Variants in PCDHA1 observed in about 807,000 individuals in gnomAD.
PCDHA1 encodes protocadherin alpha 1, also known as protocadherin alpha-1.
PCDHA1 carries 42 observed loss-of-function variants against 61.3 expected under a neutral mutation model. The ratio of observed to expected loss-of-function variants is 0.69; its 90% CI spans 0.54 to 0.89. PCDHA1 has a LOEUF of 0.89. Among genes scored for constraint, PCDHA1 ranks in the 40% least tolerant of loss-of-function variants. PCDHA1 has a pLI of 0.00. For missense variants in PCDHA1, 1,256 were observed against 1,235.3 expected (o/e 1.02, Z -0.25); for synonymous variants, 610 against 553.8 (o/e 1.10, Z -1.43).
At chr5:140,962,665 C>T (rs1457197885) in intron 1 of PCDHA1, among the ~76,000 whole-genome samples, 1 of 152,146 alleles carries the variant, frequency 6.6e-6, no homozygotes, top group African/African-American at 2.4e-5. Flanking sequence ...TTTTCATCTT[C>T]CCATCCACTG....
intron 1 of PCDHA1, chr5:140,967,902 C>T: frequency 6.2e-7 from 1 of 1,614,192 alleles, no homozygotes; most frequent in East Asian, 2.2e-5. Flanking sequence ...GAGAATGCTA[C>T]ACCCAACACC....
At chr5:140,797,194 G>A (rs1396970768) in intron 1 of PCDHA1, 6 of 1,614,056 alleles carry the variant, frequency 3.7e-6, no homozygotes, top group Non-Finnish European at 5.1e-6. Context: ...GTGCTCCAGC[G>A]CCGTGGGGAG....
At chr5:140,967,022 A>G (rs2096084806) in intron 1 of PCDHA1, 1 of 1,608,014 alleles carries the variant, frequency 6.2e-7, no homozygotes, top group Middle Eastern at 1.7e-4. Context: ...GGGTGCGCCC[A>G]GTCCGCGCTA....
rs2150161509 is a variant in PCDHA1, at chr5:140,828,980, C to T, written c.2394+40296C>T. On this transcript the variant is annotated intron_variant, in intron 1 of 3. Transcript: ENST00000504120. ...GGTTATTGACCACTTTAGCATAGAT[C>T]GAAATACGGGAGAAATAGTGATTCG... 18 of 1,613,888 alleles carry T rather than the reference C, an allele frequency of 1.1e-5. No homozygotes were observed. In the African/African-American group the frequency reaches 1.7e-4, roughly 16 times the overall value.
At chr5:140,880,281 C>T (rs2058294062) in intron 1 of PCDHA1, among the ~76,000 whole-genome samples, 2 of 152,074 alleles carry the variant, frequency 1.3e-5, no homozygotes. Flanking sequence ...AGAAGTTTGA[C>T]TATCTTCATA....
At chr5:140,869,149 C>A in intron 1 of PCDHA1, 3 of 1,613,754 alleles carry the variant, frequency 1.9e-6, no homozygotes, top group Non-Finnish European at 2.5e-6. Flanking sequence ...ACGACTACAG[C>A]TCTGGCTTCT....
intron 3 of PCDHA1, among the ~76,000 whole-genome samples, chr5:140,985,428 T>C (rs782337868): frequency 2.0e-5 from 3 of 152,192 alleles, no homozygotes; most frequent in Non-Finnish European, 4.4e-5. Context: ...GGAGGATTTA[T>C]TAGTTGCTGC....
chr5:140,875,210 AAAAGAACCTC>A (rs2055354064), intron 1 of PCDHA1: 1 of 696,510 alleles, frequency 1.4e-6, no homozygotes, highest in Non-Finnish European at 2.1e-6. Context: ...GGCTAAACCG[AAAAGAACCTC>A]AGGATCTTTC....
At chr5:140,943,650 C>A (rs2093540673) in intron 1 of PCDHA1, among the ~76,000 whole-genome samples, 1 of 151,974 alleles carries the variant, frequency 6.6e-6, no homozygotes, top group African/African-American at 2.4e-5. Flanking sequence ...ATAAAACCAT[C>A]TATGAACAAT....
chr5:140,888,712 A>G (rs567823119), intron 1 of PCDHA1, among the ~76,000 whole-genome samples: 34 of 152,168 alleles, frequency 2.2e-4, no homozygotes, highest in Non-Finnish European at 4.1e-4. Flanking sequence ...GGAATGTGAA[A>G]TATTTCCAGC....
intron 1 of PCDHA1, among the ~76,000 whole-genome samples, chr5:140,950,672 C>A (rs76583571): frequency 0.016 from 2,473 of 152,120 alleles, 63 homozygotes; most frequent in African/African-American, 0.055. Context: ...CAAACATGTA[C>A]ATGTATATTG....
At chr5:140,818,343 G>T (rs1554127448) in intron 1 of PCDHA1, among the ~76,000 whole-genome samples, 1 of 152,136 alleles carries the variant, frequency 6.6e-6, no homozygotes, top group Non-Finnish European at 1.5e-5. Context: ...CTAGGCCACT[G>T]TCAAAGTCAT....
intron 1 of PCDHA1, chr5:140,824,161 T>G: frequency 9.3e-6 from 15 of 1,610,948 alleles, no homozygotes; most frequent in Non-Finnish European, 1.2e-5. Flanking sequence ...CATCTTTCCC[T>G]CCCAATTTTC....
At chr5:140,882,024 G>C in intron 1 of PCDHA1, 1 of 580,388 alleles carries the variant, frequency 1.7e-6, no homozygotes, top group East Asian at 3.1e-5. Flanking sequence ...CTACATCAAT[G>C]GAAAATATGA....
intron 1 of PCDHA1, among the ~76,000 whole-genome samples, chr5:140,893,814 T>C (rs1254433414): frequency 6.6e-6 from 1 of 152,204 alleles, no homozygotes; most frequent in Non-Finnish European, 1.5e-5. Flanking sequence ...TTGAGTCTGG[T>C]ACCGTAGACT....
rs782343836 is a variant in PCDHA1 at position 140,869,112 on chromosome 5, T to C, written c.2394+80428T>C. 17 of 1,604,108 alleles carry C rather than the reference T, an allele frequency of 1.1e-5. No individual in the cohort carries two copies. The South Asian group carries it at 1.5e-4, about 15-fold the overall frequency. On this transcript the variant is annotated intron_variant, in intron 1 of 3. Coordinates refer to ENST00000504120, the MANE Select transcript of PCDHA1 (RefSeq NM_018900.4). ...AGCCAATTTCGTATGCGATGTTTGG[T>C]TTTCAGAGAAGGGGATTGGGCACCC...
At chr5:140,838,888 C>A (rs1414271467) in intron 1 of PCDHA1, among the ~76,000 whole-genome samples, 1 of 151,692 alleles carries the variant, frequency 6.6e-6, no homozygotes, top group Non-Finnish European at 1.5e-5. Context: ...GAACTCCAGC[C>A]TAGGTGACAG....
At chr5:140,808,032 C>T (rs782714684) in intron 1 of PCDHA1, 15 of 1,613,706 alleles carry the variant, frequency 9.3e-6, no homozygotes, top group Non-Finnish European at 9.3e-6. Flanking sequence ...TATTCATTCT[C>T]AAATGATATT....
intron 1 of PCDHA1, chr5:140,967,032 A>T: frequency 6.2e-7 from 1 of 1,610,180 alleles, no homozygotes; most frequent in Non-Finnish European, 8.5e-7. Flanking sequence ...AGTCCGCGCT[A>T]CCTGGAGCTG....
Sources: gnomAD v4.1 joint callset for allele counts (sites outside exome capture counted in the v4.1 genomes callset) on GRCh38, gnomAD v4.1.1 for gene constraint, MANE v1.5 for transcripts, NCBI Gene and HGNC (gene_info 2026-07-23, HGNC 2026-07-21) for gene names.